Variants in HEATR1 observed in about 807,000 individuals in gnomAD.
The protein encoded by HEATR1 is HEAT repeat-containing protein 1.
In HEATR1, 77 loss-of-function variants were observed where a neutral mutation model predicts 248.2. That is an observed-to-expected ratio of 0.31 (90% CI 0.26 to 0.37). The LOEUF (loss-of-function observed/expected upper bound fraction) is 0.37. Among genes scored for constraint, HEATR1 ranks in the 10% least tolerant of loss-of-function variants. HEATR1 has a pLI of 1.00. For missense variants in HEATR1, 2,420 were observed against 2,504.9 expected, an observed-to-expected ratio of 0.97 and a Z score of 0.72; for synonymous variants, 897 against 923.1, an observed-to-expected ratio of 0.97 and a Z score of 0.51.
chr1:236,560,972 A>G (rs1306083922), intron 33 of HEATR1, among the ~76,000 whole-genome samples: 1 of 152,208 alleles, frequency 6.6e-6, no homozygotes, highest in East Asian at 1.9e-4. Flanking sequence ...AATTTTCTGA[A>G]TTTGATCAAT....
Position 236,604,023 on chromosome 1 carries a change from C to T in HEATR1, c.73G>A (p.Glu25Lys), listed in dbSNP as rs756410208. The T allele has an allele frequency of 6.3e-6, 10 of 1,599,300 alleles. No homozygotes were observed. In the South Asian group the frequency reaches 1.1e-4, roughly 18 times the overall value. The change falls in exon 2 of 45, where the codon GAA (glutamate) becomes AAA (lysine). Residue 25 changes from glutamate (E) to lysine (K), a missense_variant. By Grantham distance (56) the Glu-to-Lys change is moderately conservative. Transcript: ENST00000366582. The stretch of plus-strand genomic sequence containing the variant: ...GGGTCAAATAACAAAGAAGCAACTT[C>T]ATCTCTAGATAAGAGGCTGGCATCA... ...QSDASLLSRD[E>K]VASLLFDPKE...
chr1:236,595,574 G>A lies in HEATR1; in HGVS notation c.1056C>T (p.Pro352=), dbSNP rs1487054968. The stretch of plus-strand genomic sequence containing the variant: ...GATGAATGATGGAGACGACCAGATG[G>A]GGAAGCATGTAATGCAGAAGAGGAC... ...DVSPLLHYML[P]HLVVSIIHHV... Residue 352 remains proline, a synonymous_variant, in exon 8 of 45, where the codon CCC becomes CCT. Transcript: ENST00000366582. The A allele has an allele frequency of 3.7e-6, 6 of 1,612,204 alleles. No homozygotes were observed. The African/African-American group carries it at 5.3e-5, about 14-fold the overall frequency.
rs1286135924 is a variant in HEATR1, at chr1:236,557,411, G to C, written c.5205-66C>G. On this transcript the variant is annotated intron_variant, in intron 36 of 44. Coordinates refer to ENST00000366582, the MANE Select transcript of HEATR1 (RefSeq NM_018072.6). The stretch of plus-strand genomic sequence containing the variant: ...AACAGAGGCTAGGGAATGGAGTAGA[G>C]GGCATTATGAAAAAAACCAGCAAAC... 8 of 1,536,322 alleles carry C rather than the reference G, an allele frequency of 5.2e-6. No homozygotes were observed. The South Asian group carries it at 6.0e-5, about 12-fold the overall frequency.
At chr1:236,563,681 C>T (rs1183486424) in intron 32 of HEATR1, among the ~76,000 whole-genome samples, 1 of 152,204 alleles carries the variant, frequency 6.6e-6, no homozygotes, top group Non-Finnish European at 1.5e-5. Context: ...ACCTAATGGA[C>T]TTTACAGTAC....
intron 20 of HEATR1, among the ~76,000 whole-genome samples, chr1:236,578,053 T>C (rs1663611597): frequency 6.6e-6 from 1 of 152,216 alleles, no homozygotes; most frequent in African/African-American, 2.4e-5. Flanking sequence ...TCTTCTACTT[T>C]TTTTCTGGTG....
At chr1:236,562,168 G>T (rs1027865086) in intron 32 of HEATR1, among the ~76,000 whole-genome samples, 2 of 152,200 alleles carry the variant, frequency 1.3e-5, no homozygotes, top group Non-Finnish European at 2.9e-5. Flanking sequence ...AAATGACATT[G>T]TACATTAACT....
chr1:236,599,480 T>C lies in HEATR1; in HGVS notation c.501+3A>G. The C allele has an allele frequency of 6.2e-7, 1 of 1,611,070 alleles. No homozygotes were observed. The highest frequency in any genetic ancestry group is 8.5e-7 in the Non-Finnish European group (1 of 1,178,566). The stretch of plus-strand genomic sequence containing the variant: ...ACAGACATATGTCATTCAGCAATTA[T>C]ACCTTAACTGGCAACAACCAGAACC... On this transcript the variant is annotated splice_donor_region_variant and intron_variant, in intron 4 of 44. Transcript: ENST00000366582.
chr1:236,601,934 A>G (rs867660573), intron 3 of HEATR1, among the ~76,000 whole-genome samples: 3 of 151,362 alleles, frequency 2.0e-5, no homozygotes, highest in African/African-American at 2.4e-5. Flanking sequence ...GTTTGAGACC[A>G]GCCTGGCCAA....
rs1167871951 is a variant in HEATR1 at position 236,559,809 on chromosome 1, T to G, written c.4675A>C (p.Ser1559Arg). Residue 1559 changes from serine to arginine, a missense_variant, in exon 34 of 45, where the codon AGT (serine) becomes CGT (arginine). Ser to Arg is a moderately radical substitution (Grantham distance 110, BLOSUM62 -1). Coordinates refer to ENST00000366582, the MANE Select transcript of HEATR1 (RefSeq NM_018072.6). ...RLLETVLGYISAVAQSMERNA... is the reference protein window; with the variant it reads ...RLLETVLGYIRAVAQSMERNA... ...CTTTCCATGGACTGTGCAACTGCAC[T>G]GATATAGCCGAGAACGGTCTCCAGC... 2.5e-6 allele frequency: 4 copies of G among 1,613,044 alleles called. No homozygotes were observed. The African/African-American group carries it at 5.3e-5, about 22-fold the overall frequency.
At chr1:236,562,630 T>C (rs1422159930) in intron 32 of HEATR1, among the ~76,000 whole-genome samples, 1 of 152,226 alleles carries the variant, frequency 6.6e-6, no homozygotes, top group East Asian at 1.9e-4. Context: ...CCCCTTACAG[T>C]TTGGTATCAA....
rs760832057 is a variant in HEATR1 at position 236,555,675 on chromosome 1, T to A, written c.5650-20A>T. 14 of 1,612,006 alleles carry A rather than the reference T, an allele frequency of 8.7e-6. No individual in the cohort carries two copies. Among genetic ancestry groups the A allele is most frequent in the Non-Finnish European group, 1.2e-5 (14 of 1,178,082 alleles). The stretch of plus-strand genomic sequence containing the variant: ...ATCGTTCTGAAAACAGAAGAGCCCA[T>A]TTATTAGAGTGCTGATACCTGACTG... On this transcript the variant is annotated intron_variant, in intron 39 of 44. Coordinates refer to ENST00000366582, the MANE Select transcript of HEATR1 (RefSeq NM_018072.6).
intron 14 of HEATR1, among the ~76,000 whole-genome samples, chr1:236,587,165 T>G (rs1572048912): frequency 1.3e-5 from 2 of 152,234 alleles, no homozygotes; most frequent in East Asian, 3.9e-4. Context: ...ATTATATACT[T>G]CCTTTTGCAT....
intron 17 of HEATR1, among the ~76,000 whole-genome samples, chr1:236,583,480 A>G (rs1378736183): frequency 8.0e-6 from 1 of 125,216 alleles, no homozygotes; most frequent in African/African-American, 2.8e-5. Context: ...AAATAGGCAT[A>G]TTTCTTTTTT....
rs559026951 is a variant in HEATR1 at position 236,573,903 on chromosome 1, T to C, written c.3459+299A>G. On this transcript the variant is annotated intron_variant, in intron 24 of 44. Transcript: ENST00000366582. ...CAATACTGAGCCATTGACTCATTCC[T>C]ATTCCTTGCATAAAGGAATAGGTAG... The C allele has an allele frequency of 1.5e-5, 3 of 197,480 alleles. No individual in the cohort carries two copies. The South Asian group carries it at 5.0e-4, about 33-fold the overall frequency. The allele number at this position is 197,480 out of a possible 1,614,324, so 12.2% of individuals were successfully genotyped here. A position where few individuals can be genotyped will look rare whatever the true frequency, so the allele number is the denominator to read the frequency against.
chr1:236,551,169 C>G (rs908946894), intron 44 of HEATR1, 179 bp from the exon 45 acceptor site: 1 of 559,264 alleles, frequency 1.8e-6, no homozygotes, highest in Admixed American at 3.5e-5. Flanking sequence ...ACCGCTCCTT[C>G]CGCCTTCATT....
At chr1:236,570,896 A>G (rs986127899) in intron 28 of HEATR1, among the ~76,000 whole-genome samples, 5 of 152,184 alleles carry the variant, frequency 3.3e-5, no homozygotes, top group Admixed American at 1.3e-4. Context: ...TGTTTAAATG[A>G]TATTTTTCAT....
At chr1:236,551,661 A>T in intron 44 of HEATR1, 2 of 190,104 alleles carry the variant, frequency 1.1e-5, no homozygotes, top group East Asian at 1.4e-4. Context: ...CTGGGGACCA[A>T]AACTTCAATC....
chr1:236,580,506 T>C (rs2153748), intron 20 of HEATR1, among the ~76,000 whole-genome samples: 83,043 of 146,732 alleles, frequency 0.57, 25,296 homozygotes, highest in Non-Finnish European at 0.69. Context: ...GAAATATGTA[T>C]AGATGTACAG....
At position 236,586,287 on chromosome 1, in the gene HEATR1, T is replaced by C. The variant is rs779831318; in HGVS notation, c.1881A>G (p.Lys627=). ...AEMKIAIYLS[K]SGICSLHPLL... ...GAGGGTGCAGGGAGCAGATTCCTGA[T>C]TTTGATAAATATATAGCAATTTTCA... The change falls in exon 15 of 45, where the codon AAA becomes AAG. Residue 627 remains lysine, a synonymous_variant. Transcript: ENST00000366582. 1.9e-6 allele frequency: 3 copies of C among 1,613,406 alleles called. No homozygotes were observed. The Admixed American group carries it at 5.0e-5, about 27-fold the overall frequency.
Sources: allele counts gnomAD v4.1 joint callset (sites outside exome capture counted in the v4.1 genomes callset), GRCh38; gene constraint gnomAD v4.1.1; transcripts MANE v1.5; gene names NCBI Gene and HGNC (gene_info 2026-07-23, HGNC 2026-07-21).